The following KLHL7 variants were observed in gnomAD, a reference collection of about 807,000 sequenced individuals.
The protein encoded by KLHL7 is kelch like family member 7.
A neutral mutation model predicts 67.4 loss-of-function variants in KLHL7; 44 were observed. That is an observed-to-expected ratio of 0.65 (90% CI 0.51 to 0.84). The LOEUF (loss-of-function observed/expected upper bound fraction) is 0.84, where lower values mean the gene tolerates loss of function less well. Among genes scored for constraint, KLHL7 ranks in the 40% least tolerant of loss-of-function variants. The pLI, the probability that KLHL7 is intolerant of heterozygous loss-of-function variation, is 0.00. For synonymous variants in KLHL7, 252 were observed against 243.3 expected, an observed-to-expected ratio of 1.04 and a Z score of -0.33; for missense variants, 362 against 718.1, an observed-to-expected ratio of 0.50 and a Z score of 5.67.
chr7:23,114,259 CT>C (rs1562550466), intron 1 of KLHL7, among the ~76,000 whole-genome samples: 1 of 152,154 alleles, frequency 6.6e-6, no homozygotes, highest in Non-Finnish European at 1.5e-5. Context: ...GGACATACGA[CT>C]GTGCAGCTTC....
chr7:23,119,200 G>A (rs1783225985), intron 1 of KLHL7, among the ~76,000 whole-genome samples: 1 of 152,178 alleles, frequency 6.6e-6, no homozygotes, highest in East Asian at 1.9e-4. Flanking sequence ...CAATTGATGA[G>A]TCAATATTGT....
At position 23,167,957 on chromosome 7, in the gene KLHL7, T is replaced by C. The variant is rs747550121; in HGVS notation, c.1299T>C (p.Tyr433=). The change falls in exon 9 of 11, where the codon TAT becomes TAC. Residue 433 remains tyrosine, a synonymous_variant. Transcript: ENST00000339077. The part of the protein sequence containing the change: ...HGMVEANGLI[Y]VCGGSLGNNV... Reference sequence around the variant, plus strand: ...TGGTGGAAGCCAATGGCCTAATCTATGTTTGTGGTGGAAGTTTAGGAAACA... The same window carrying C: ...TGGTGGAAGCCAATGGCCTAATCTACGTTTGTGGTGGAAGTTTAGGAAACA... 2 of 1,614,220 alleles carry C rather than the reference T, an allele frequency of 1.2e-6. No homozygotes were observed. Among genetic ancestry groups the C allele is most frequent in the Non-Finnish European group, 1.7e-6 (2 of 1,180,018 alleles).
rs371339477 is a variant in KLHL7, at chr7:23,144,386, G to A, written c.793+361G>A. Among the ~76,000 whole-genome samples, 23 of 152,242 alleles carry A rather than the reference G, an allele frequency of 1.5e-4. No individual in the cohort carries two copies. In the East Asian group the frequency reaches 1.9e-3, roughly 13 times the overall value. ...AGTATTTTGTCTTTTTTGGCCCAGA[G>A]ATAAATATTGCCACATCGTTTTCAT... On this transcript the variant is annotated intron_variant, in intron 6 of 10. Coordinates refer to ENST00000339077, the MANE Select transcript of KLHL7 (RefSeq NM_001031710.3).
At chr7:23,147,332 C>T (rs527513947) in intron 6 of KLHL7, among the ~76,000 whole-genome samples, 6 of 152,266 alleles carry the variant, frequency 3.9e-5, no homozygotes, top group South Asian at 4.1e-4. Flanking sequence ...TCAAGAGACC[C>T]GCCCACCTCT....
At chr7:23,122,526 T>A (rs182084268) in intron 1 of KLHL7, among the ~76,000 whole-genome samples, 86 of 152,194 alleles carry the variant, frequency 5.7e-4, no homozygotes, top group African/African-American at 2.1e-3. Flanking sequence ...GAAATAAAAT[T>A]TAAAAATTCA....
chr7:23,160,242 A>G (rs1265796412), intron 7 of KLHL7, among the ~76,000 whole-genome samples: 1 of 152,258 alleles, frequency 6.6e-6, no homozygotes, highest in Non-Finnish European at 1.5e-5. Flanking sequence ...ATCTGTTTAG[A>G]TAACTGGCAA....
intron 1 of KLHL7, among the ~76,000 whole-genome samples, chr7:23,118,568 G>C (rs1170881655): frequency 1.3e-5 from 2 of 152,110 alleles, no homozygotes; most frequent in African/African-American, 4.8e-5. Context: ...CCACACTCTT[G>C]TTCATCCTGT....
chr7:23,108,970 C>CTAG (rs1230550155), intron 1 of KLHL7, among the ~76,000 whole-genome samples: 2 of 152,190 alleles, frequency 1.3e-5, no homozygotes, highest in Non-Finnish European at 2.9e-5. Context: ...ACTATTAAGA[C>CTAG]TAGTACTACT....
chr7:23,118,016 G>C (rs746199544), intron 1 of KLHL7: 2 of 1,606,902 alleles, frequency 1.2e-6, no homozygotes, highest in Non-Finnish European at 1.7e-6. Flanking sequence ...ATAGAACGTG[G>C]GGCAGTTGAC....
At chr7:23,169,338 A>T (rs570922356) in intron 9 of KLHL7, among the ~76,000 whole-genome samples, 1 of 152,188 alleles carries the variant, frequency 6.6e-6, no homozygotes, top group Non-Finnish European at 1.5e-5. Flanking sequence ...TGATTCCCAC[A>T]TATTTTTAAA....
At chr7:23,155,971 G>T in intron 7 of KLHL7, 1 of 460,182 alleles carries the variant, frequency 2.2e-6, no homozygotes, top group South Asian at 1.6e-5. Flanking sequence ...TTCTTTCCTT[G>T]ATTTTTTTTT....
intron 7 of KLHL7, among the ~76,000 whole-genome samples, chr7:23,160,632 A>C (rs780645119): frequency 2.0e-5 from 3 of 152,198 alleles, no homozygotes; most frequent in Non-Finnish European, 2.9e-5. Context: ...GCAATAGCAC[A>C]ACCTCCCTCC....
At chr7:23,120,099 C>T (rs1007029309) in intron 1 of KLHL7, among the ~76,000 whole-genome samples, 2 of 151,812 alleles carry the variant, frequency 1.3e-5, no homozygotes, top group African/African-American at 2.4e-5. Context: ...AACCTTTTGC[C>T]CCCGGGCTCA....
intron 1 of KLHL7, among the ~76,000 whole-genome samples, chr7:23,116,209 T>C (rs2128457818): frequency 6.6e-6 from 1 of 152,342 alleles, no homozygotes; most frequent in South Asian, 2.1e-4. Context: ...CTATGAATCC[T>C]GTCTCTTGGA....
Position 23,174,767 on chromosome 7 carries a change from T to G in KLHL7, c.*469T>G. 2.2e-6 allele frequency: 1 copy of G among 454,756 alleles called. No individual in the cohort carries two copies. Among genetic ancestry groups the G allele is most frequent in the Non-Finnish European group, 4.4e-6 (1 of 226,938 alleles). 28.2% of individuals were successfully genotyped at this position (454,756 alleles called of 1,614,324 possible). ...CAGATGGAGCAGCTTAGTCTCACAG[T>G]TTGCTTGTCTATTTATTTTATTTAG... On this transcript the variant is annotated 3_prime_UTR_variant, in exon 11 of 11. Coordinates refer to ENST00000339077, the MANE Select transcript of KLHL7 (RefSeq NM_001031710.3).
chr7:23,135,709 G>A (rs900193507), intron 4 of KLHL7, among the ~76,000 whole-genome samples: 5 of 152,078 alleles, frequency 3.3e-5, no homozygotes, highest in Non-Finnish European at 7.4e-5. Context: ...ACTCTGTCCC[G>A]GCTTCCTTTC....
intron 5 of KLHL7, among the ~76,000 whole-genome samples, chr7:23,141,713 C>T (rs2128464583): frequency 6.6e-6 from 1 of 152,174 alleles, no homozygotes; most frequent in South Asian, 2.1e-4. Flanking sequence ...AGCTCCTTCT[C>T]CCGAGTTCAC....
At chr7:23,116,813 C>T (rs1460085993) in intron 1 of KLHL7, among the ~76,000 whole-genome samples, 4 of 152,248 alleles carry the variant, frequency 2.6e-5, no homozygotes, top group African/African-American at 9.6e-5. Flanking sequence ...AGTACTCTCC[C>T]TTACAGTCTT....
intron 6 of KLHL7, among the ~76,000 whole-genome samples, chr7:23,148,410 AC>A (rs1784427018): frequency 1.3e-3 from 179 of 138,050 alleles, no homozygotes; most frequent in South Asian, 5.9e-3. Flanking sequence ...AAAAAAAAAA[AC>A]AGCAGCCCCA....
Sources: allele counts gnomAD v4.1 joint callset (sites outside exome capture counted in the v4.1 genomes callset), GRCh38; gene constraint gnomAD v4.1.1; transcripts MANE v1.5; gene names NCBI Gene and HGNC (gene_info 2026-07-23, HGNC 2026-07-21).